PRKN: variants seen among roughly 807,000 people sequenced by gnomAD.
PRKN encodes parkin RBR E3 ubiquitin protein ligase, also known as E3 ubiquitin-protein ligase parkin.
A neutral mutation model predicts 59.5 loss-of-function variants in PRKN; 56 were observed. The ratio of observed to expected loss-of-function variants is 0.94; its 90% CI spans 0.76 to 1.18. The LOEUF is 1.18. PRKN is among the 50% of genes most tolerant of loss of function. The pLI is 0.00. For synonymous variants in PRKN, 250 were observed against 222.1 expected (o/e 1.13, Z -1.12); for missense variants, 657 against 596.4 (o/e 1.10, Z -1.06).
chr6:162,597,697 C>A (rs1393313917), intron 1 of PRKN, among the ~76,000 whole-genome samples: 2 of 152,160 alleles, frequency 1.3e-5, no homozygotes, highest in African/African-American at 4.8e-5. Flanking sequence ...TTATCATATA[C>A]AATTTTACTC....
intron 7 of PRKN, among the ~76,000 whole-genome samples, chr6:161,708,581 C>A (rs937181374): frequency 1.3e-5 from 2 of 151,858 alleles, no homozygotes; most frequent in African/African-American, 4.8e-5. Context: ...ACCGTTCTTT[C>A]AACAGATACT....
chr6:162,655,533 T>C (rs1016577407), intron 1 of PRKN, among the ~76,000 whole-genome samples: 1 of 152,224 alleles, frequency 6.6e-6, no homozygotes, highest in Non-Finnish European at 1.5e-5. Context: ...TGAGTGTTCA[T>C]ATATAATTTG....
chr6:162,289,702 AT>A, intron 2 of PRKN, among the ~76,000 whole-genome samples: 1 of 148,536 alleles, frequency 6.7e-6, no homozygotes, highest in South Asian at 2.2e-4. Context: ...AAAAAAAAAG[AT>A]TTTTTGAAGA....
intron 7 of PRKN, among the ~76,000 whole-genome samples, chr6:161,715,144 G>T (rs755470572): frequency 6.6e-6 from 1 of 152,192 alleles, no homozygotes; most frequent in African/African-American, 2.4e-5. Context: ...GTGCACATTA[G>T]ACTTTTTTAT....
intron 4 of PRKN, among the ~76,000 whole-genome samples, chr6:162,160,911 A>G (rs1407742090): frequency 1.0e-4 from 15 of 146,508 alleles, no homozygotes; most frequent in Admixed American, 4.9e-4. Context: ...AAAAAAAAAA[A>G]AAAAAAGAAA....
chr6:161,850,928 A>T (rs1793407499), intron 6 of PRKN, among the ~76,000 whole-genome samples: 1 of 152,164 alleles, frequency 6.6e-6, no homozygotes, highest in African/African-American at 2.4e-5. Context: ...AATACTGGGG[A>T]TGTTAAAGGT....
chr6:161,897,947 A>G (rs1777711069), intron 6 of PRKN, among the ~76,000 whole-genome samples: 1 of 129,684 alleles, frequency 7.7e-6, no homozygotes, highest in South Asian at 2.9e-4. Flanking sequence ...AGCCTGGGTG[A>G]CAGAGCGAGA....
chr6:162,337,368 T>A (rs1185622053), intron 2 of PRKN, among the ~76,000 whole-genome samples: 2 of 152,222 alleles, frequency 1.3e-5, no homozygotes, highest in Non-Finnish European at 2.9e-5. Flanking sequence ...GTTTCACCTT[T>A]AACAGAATAG....
chr6:162,161,587 C>A (rs1162914078), intron 4 of PRKN, among the ~76,000 whole-genome samples: 2 of 152,152 alleles, frequency 1.3e-5, no homozygotes, highest in African/African-American at 4.8e-5. Flanking sequence ...TCCGGCGTAT[C>A]CACCCTGTTT....
intron 9 of PRKN, among the ~76,000 whole-genome samples, chr6:161,478,470 T>C (rs375291399): frequency 2.6e-5 from 4 of 152,226 alleles, no homozygotes; most frequent in Non-Finnish European, 5.9e-5. Context: ...CATGTGATAA[T>C]TGATCTACAA....
At chr6:162,131,472 C>T (rs1441055465) in intron 4 of PRKN, among the ~76,000 whole-genome samples, 1 of 152,118 alleles carries the variant, frequency 6.6e-6, no homozygotes, top group African/African-American at 2.4e-5. Context: ...ATTAGTAACT[C>T]GATTTCCCCT....
intron 7 of PRKN, among the ~76,000 whole-genome samples, chr6:161,689,331 C>T (rs1216614643): frequency 1.3e-5 from 2 of 152,090 alleles, no homozygotes; most frequent in Non-Finnish European, 2.9e-5. Flanking sequence ...CCATATGCCA[C>T]CTCGTTCTAT....
chr6:162,261,806 C>T (rs1460654190), intron 3 of PRKN, among the ~76,000 whole-genome samples: 1 of 152,016 alleles, frequency 6.6e-6, no homozygotes, highest in African/African-American at 2.4e-5. Flanking sequence ...GCAAGATCAT[C>T]GAAAATTTTT....
Position 161,548,322 on chromosome 6 carries a change from T to G in PRKN, c.1083+532A>C, listed in dbSNP as rs2115425005. ...CCTCTTAGAACAAACATTTTCCACA[T>G]TTCTTATTCTGCTTCCATAAGAGAC... On this transcript the variant is annotated intron_variant, in intron 9 of 11. Coordinates refer to ENST00000366898, the MANE Select transcript of PRKN (RefSeq NM_004562.3). The surrounding 1 kb of genome is among the most constrained non-coding windows in gnomAD (Gnocchi z 4.2). Among the ~76,000 whole-genome samples, 1 of 152,346 alleles carries G rather than the reference T, an allele frequency of 6.6e-6. No homozygotes were observed. The highest frequency in any genetic ancestry group is 3.4e-3 in the Middle Eastern group (1 of 294).
chr6:162,336,875 T>C (rs182319948), intron 2 of PRKN, among the ~76,000 whole-genome samples: 2 of 152,314 alleles, frequency 1.3e-5, no homozygotes, highest in East Asian at 3.9e-4. Context: ...GAAGCAGTGC[T>C]CTGGCCATTG....
In PRKN at chr6:161,442,343, G is replaced by A. The variant is rs773240605; in HGVS notation, c.1084-55466C>T. The stretch of plus-strand genomic sequence containing the variant: ...ATGATTAGCACAAAAAATACACCAT[G>A]AAATGAGTTTAAAGTCCTTAATCTT... On this transcript the variant is annotated intron_variant, in intron 9 of 11. Transcript: ENST00000366898. The surrounding 1 kb of genome is among the most constrained non-coding windows in gnomAD (Gnocchi z 4.6). Among the ~76,000 whole-genome samples, 9 of 152,204 alleles carry A rather than the reference G, an allele frequency of 5.9e-5. No homozygotes were observed. The highest frequency in any genetic ancestry group is 1.3e-4 in the Non-Finnish European group (9 of 68,034).
chr6:162,539,887 G>T (rs895577183), intron 1 of PRKN, among the ~76,000 whole-genome samples: 1 of 152,018 alleles, frequency 6.6e-6, no homozygotes, highest in Non-Finnish European at 1.5e-5. Flanking sequence ...CCTACCTAAA[G>T]AGTTATTTCT....
rs188739103 is a variant in PRKN, at chr6:162,248,160, C to T, written c.412+14365G>A. 2.8e-3 allele frequency among the ~76,000 whole-genome samples: 424 copies of T among 152,280 alleles called. 4 individuals are homozygous for T. Among genetic ancestry groups the T allele is most frequent in the Non-Finnish European group, 4.3e-3 (291 of 68,020 alleles). On this transcript the variant is annotated intron_variant, in intron 3 of 11. Transcript: ENST00000366898. ...GGAATGAGCTGTCAAATCAGAAGGA[C>T]GCTCAGCCTTCCCTGGGTTCAGTTT...
At chr6:162,572,370 G>T (rs922939457) in intron 1 of PRKN, among the ~76,000 whole-genome samples, 1 of 152,110 alleles carries the variant, frequency 6.6e-6, no homozygotes, top group African/African-American at 2.4e-5. Flanking sequence ...ACATATCCAA[G>T]ACTTACACAA....
Sources: gnomAD v4.1 joint callset for allele counts (sites outside exome capture counted in the v4.1 genomes callset) on GRCh38, gnomAD v4.1.1 for gene constraint, Gnocchi (gnomAD v3.1) non-coding constraint, MANE v1.5 for transcripts, NCBI Gene and HGNC (gene_info 2026-07-23, HGNC 2026-07-21) for gene names.